The following NYX variants were observed in gnomAD, a reference collection of about 807,000 sequenced individuals.
NYX encodes the protein leucine-rich repeat protein.
For synonymous variants in NYX, 258 were observed against 245.7 expected (o/e 1.05, Z -0.47); for missense variants, 481 against 485.4 (o/e 0.99, Z 0.09).
At chrX:41,449,151 G>GT (rs2064270298) in intron 2 of NYX, among the ~76,000 whole-genome samples, 1 of 111,602 alleles carries the variant, frequency 9.0e-6, no homozygotes, top group Non-Finnish European at 1.9e-5. Flanking sequence ...CAAAGAATCT[G>GT]TTTTTTTCTG....
chrX:41,471,124 G>C (rs996408485), intron 2 of NYX, among the ~76,000 whole-genome samples: 6 of 110,246 alleles, frequency 5.4e-5, no homozygotes, highest in African/African-American at 1.6e-4. Flanking sequence ...TTTTTTTGGA[G>C]GGGGGGGATG....
intron 2 of NYX, among the ~76,000 whole-genome samples, chrX:41,450,541 G>T (rs1036784272): frequency 9.1e-6 from 1 of 110,056 alleles, no homozygotes; most frequent in Non-Finnish European, 1.9e-5. Context: ...AAAGTGCTGG[G>T]ATTACAGGTG....
intron 2 of NYX, among the ~76,000 whole-genome samples, chrX:41,452,273 T>C (rs1239314153): frequency 2.7e-5 from 3 of 111,709 alleles, no homozygotes; most frequent in Non-Finnish European, 3.8e-5. Flanking sequence ...TAAGTCTTGA[T>C]TGGGGTGGTG....
In NYX at chrX:41,473,630, G is replaced by A. The variant is rs1332880872; in HGVS notation, c.162G>A (p.Glu54=). ...DRAGLLRVPA[E]LPCEAVSIDL... ...CGGGCCTCCTGCGGGTGCCGGCCGA[G>A]CTCCCGTGCGAGGCGGTCTCCATCG... The change falls in exon 3 of 3, where the codon GAG becomes GAA. Residue 54 remains glutamate (E), a synonymous_variant. Coordinates refer to ENST00000378220, the MANE Select transcript of NYX (RefSeq NM_001378477.3). The A allele has an allele frequency of 9.4e-6, 10 of 1,061,179 alleles. No homozygotes were observed. Among genetic ancestry groups the A allele is most frequent in the Middle Eastern group, 2.6e-4 (1 of 3,897 alleles). The allele number at this position is 1,061,179 out of a possible 1,213,427, so 87.5% of individuals were successfully genotyped here.
chrX:41,474,704 C>T lies in NYX; in HGVS notation c.1236C>T (p.Leu412=), dbSNP rs151302286. ...CCGTGAGCAGGTTCAGCAGCCTCCT[C>T]TCCAAGCTGCTGGCCCCGAGGGTCC... is the stretch of plus-strand genomic sequence containing the variant. ...ATTVSRFSSL[L]SKLLAPRVPV... The change falls in exon 3 of 3, where the codon CTC becomes CTT. Residue 412 remains leucine, a synonymous_variant. Coordinates refer to ENST00000378220, the MANE Select transcript of NYX (RefSeq NM_001378477.3). The T allele has an allele frequency of 6.5e-4, 776 of 1,196,161 alleles. 6 individuals carry two copies. The African/African-American group carries it at 0.013, about 20-fold the overall frequency.
chrX:41,460,523 TA>T (rs34926119), intron 2 of NYX, among the ~76,000 whole-genome samples: 34,379 of 111,047 alleles, frequency 0.31, 4,363 homozygotes, highest in African/African-American at 0.44. Context: ...AAATAAATTT[TA>T]AAAAATTTTA....
At chrX:41,468,012 A>C (rs756835679) in intron 2 of NYX, among the ~76,000 whole-genome samples, 1 of 111,674 alleles carries the variant, frequency 9.0e-6, no homozygotes, top group Admixed American at 9.6e-5. Flanking sequence ...ATTGCTCCTA[A>C]TGGCTATCAA....
rs182622054 is a variant in NYX at position 41,455,435 on chromosome X, A to G, written c.22+7509A>G. On this transcript the variant is annotated intron_variant, in intron 2 of 2. Coordinates refer to ENST00000378220, the MANE Select transcript of NYX (RefSeq NM_001378477.3). ...GGATTTTTTTTTTTTTTAAAGCAGT[A>G]TGACAGAACAGGGATGAGAGTGTCC... Among the ~76,000 whole-genome samples the G allele has an allele frequency of 6.4e-3, 699 of 108,981 alleles. 7 individuals are homozygous for G. The highest frequency in any genetic ancestry group is 0.021 in the African/African-American group (639 of 29,916). 94.6% of individuals were successfully genotyped at this position (108,981 alleles called of 115,157 possible).
intron 2 of NYX, among the ~76,000 whole-genome samples, chrX:41,469,783 G>C (rs750162436): frequency 2.7e-5 from 3 of 110,660 alleles, no homozygotes; most frequent in African/African-American, 9.8e-5. Flanking sequence ...CTGACCTTAG[G>C]TGATCCACCC....
intron 2 of NYX, among the ~76,000 whole-genome samples, chrX:41,450,140 C>G (rs1402800257): frequency 8.9e-6 from 1 of 112,179 alleles, no homozygotes; most frequent in African/African-American, 3.2e-5. Context: ...CCTCCTCCCC[C>G]CATGTTAACC....
At chrX:41,459,864 C>CTT (rs547264491) in intron 2 of NYX, among the ~76,000 whole-genome samples, 1,285 of 87,270 alleles carry the variant, frequency 0.015, 8 homozygotes, top group Non-Finnish European at 0.024. Context: ...TTTTTGTGGA[C>CTT]TTTTTTTTTT....
At chrX:41,472,400 C>T in intron 2 of NYX, 1 of 1,160,982 alleles carries the variant, frequency 8.6e-7, no homozygotes. Context: ...CACACGCACA[C>T]CCTCGTGCAA....
At position 41,464,864 on chromosome X, in the gene NYX, T is replaced by C. The variant is rs2064333004; in HGVS notation, c.23-8627T>C. Among the ~76,000 whole-genome samples, 4 of 111,263 alleles carry C rather than the reference T, an allele frequency of 3.6e-5. No individual in the cohort carries two copies. The Admixed American group carries it at 3.9e-4, about 11-fold the overall frequency. ...CCACAGGTCATTGAGGCTCTGATAA[T>C]TTTTCCCCCAGTCTTCTTTTTATTT... On this transcript the variant is annotated intron_variant, in intron 2 of 2. Transcript: ENST00000378220.
At chrX:41,472,541 A>G in intron 2 of NYX, 1 of 560,833 alleles carries the variant, frequency 1.8e-6, no homozygotes, top group Non-Finnish European at 3.0e-6. Context: ...GATTTCAAGA[A>G]CCTCTGACTA....
intron 2 of NYX, 138 bp from the exon 3 acceptor site, chrX:41,473,353 C>A (rs2064369942): frequency 2.3e-5 from 17 of 736,309 alleles, no homozygotes; most frequent in Non-Finnish European, 2.9e-5. Flanking sequence ...ATGTGCCTGA[C>A]ACAAGATAAC....
At position 41,473,707 on chromosome X, in the gene NYX, T is replaced by A. The variant is rs1171648007; in HGVS notation, c.239T>A (p.Leu80Gln). Residue 80 changes from leucine to glutamine, a missense_variant, in exon 3 of 3, where the codon CTG becomes CAG. Physicochemically the swap from Leu to Gln is moderately radical, Grantham distance 113 (BLOSUM62 -2). Transcript: ENST00000378220. ...CTGGGCGAGCGAGCCTTCGGCACGC[T>A]GCCGTCCTTGCGCCGCCTGTCGCTG... ...RFLGERAFGT[L>Q]PSLRRLSLRH... is the part of the protein sequence containing the mutation. 8.7e-7 allele frequency: 1 copy of A among 1,149,274 alleles called. No homozygotes were observed. Among genetic ancestry groups the A allele is most frequent in the East Asian group, 3.4e-5 (1 of 29,163 alleles). 94.7% of individuals were successfully genotyped at this position (1,149,274 alleles called of 1,213,427 possible). A position where few individuals can be genotyped will look rare whatever the true frequency, so the allele number is the denominator to read the frequency against.
At chrX:41,458,496 A>G (rs998542301) in intron 2 of NYX, among the ~76,000 whole-genome samples, 1 of 110,884 alleles carries the variant, frequency 9.0e-6, no homozygotes, top group African/African-American at 3.3e-5. Flanking sequence ...GTCTCACTCT[A>G]TTGCCCAGGC....
At chrX:41,453,232 A>G (rs2064287162) in intron 2 of NYX, among the ~76,000 whole-genome samples, 1 of 111,526 alleles carries the variant, frequency 9.0e-6, no homozygotes. Context: ...AACTGCTCAG[A>G]TGGTCTGCAT....
intron 2 of NYX, among the ~76,000 whole-genome samples, chrX:41,472,884 C>T (rs2064367467): frequency 9.0e-6 from 1 of 111,725 alleles, no homozygotes; most frequent in Middle Eastern, 4.6e-3. Flanking sequence ...CTGGAACCTC[C>T]GCCTCCCGGG....
Sources: allele counts gnomAD v4.1 joint callset (sites outside exome capture counted in the v4.1 genomes callset), GRCh38; gene constraint gnomAD v4.1.1; transcripts MANE v1.5; gene names NCBI Gene and HGNC (gene_info 2026-07-23, HGNC 2026-07-21).